Variants in EHD4 observed in about 807,000 individuals in gnomAD.
The protein encoded by EHD4 is EH domain containing 4, also known as EH domain-containing protein 4.
EHD4 carries 37 observed loss-of-function variants against 51.0 expected under a neutral mutation model. The observed-to-expected ratio is 0.73, with a 90% CI of 0.56 to 0.95. The LOEUF is 0.95. Ranked by LOEUF, EHD4 falls within the 40% of genes least tolerant of loss-of-function variation. The pLI is 0.00. For missense variants in EHD4, 632 were observed against 733.1 expected, an observed-to-expected ratio of 0.86 and a Z score of 1.59; for synonymous variants, 297 against 317.3, an observed-to-expected ratio of 0.94 and a Z score of 0.68.
chr15:41,935,773 C>T (rs560844194), intron 3 of EHD4, among the ~76,000 whole-genome samples: 2 of 152,324 alleles, frequency 1.3e-5, no homozygotes, highest in East Asian at 1.9e-4. Flanking sequence ...ACAATAACTT[C>T]TATTTTCTCT....
rs189146657 is a variant in EHD4 at position 41,963,913 on chromosome 15, A to G, written c.236+8346T>C. On this transcript the variant is annotated intron_variant, in intron 1 of 5. Coordinates refer to ENST00000220325, the MANE Select transcript of EHD4 (RefSeq NM_139265.4). ...ATAATCCCAGCATTTTGGGAGGCCG[A>G]GGCAGGTGGATCATGAAGTCAGGAG... Among the ~76,000 whole-genome samples, 413 of 152,128 alleles carry G rather than the reference A, an allele frequency of 2.7e-3. 6 individuals carry two copies. Among genetic ancestry groups the G allele is most frequent in the African/African-American group, 9.5e-3 (393 of 41,490 alleles).
intron 5 of EHD4, among the ~76,000 whole-genome samples, chr15:41,902,093 A>C (rs970018718): frequency 1.3e-5 from 2 of 152,334 alleles, no homozygotes; most frequent in East Asian, 3.9e-4. Context: ...GCCTGTCAGC[A>C]GACAGAGCAG....
chr15:41,905,168 G>A (rs1190491780), intron 5 of EHD4, among the ~76,000 whole-genome samples: 4 of 152,198 alleles, frequency 2.6e-5, no homozygotes, highest in African/African-American at 7.2e-5. Context: ...ACCCACACAC[G>A]CGCCCCTCAA....
At chr15:41,963,786 CACTTTT>C (rs2067943160) in intron 1 of EHD4, among the ~76,000 whole-genome samples, 1 of 151,952 alleles carries the variant, frequency 6.6e-6, no homozygotes, top group African/African-American at 2.4e-5. Context: ...ACTGGAAAAA[CACTTTT>C]ACAACTGTGA....
chr15:41,959,066 T>C (rs1016789859), intron 1 of EHD4, among the ~76,000 whole-genome samples: 1 of 152,200 alleles, frequency 6.6e-6, no homozygotes, highest in East Asian at 1.9e-4. Flanking sequence ...TGTATGAGCA[T>C]TATTTTTAAA....
At chr15:41,970,552 T>C (rs552721030) in intron 1 of EHD4, among the ~76,000 whole-genome samples, 5 of 152,360 alleles carry the variant, frequency 3.3e-5, no homozygotes, top group Non-Finnish European at 7.3e-5. Flanking sequence ...GATAAATTCA[T>C]GTTCCTGTGA....
intron 1 of EHD4, 91 bp downstream of exon 1, chr15:41,972,168 G>C (rs2068001006): frequency 8.9e-6 from 11 of 1,230,242 alleles, no homozygotes; most frequent in Non-Finnish European, 1.1e-5. Flanking sequence ...CGCGCCGGCC[G>C]GGAGGGGCAG....
chr15:41,945,066 G>A (rs1328522332), intron 2 of EHD4, among the ~76,000 whole-genome samples: 2 of 152,182 alleles, frequency 1.3e-5, no homozygotes, highest in Non-Finnish European at 2.9e-5. Flanking sequence ...GGGCACATCC[G>A]TGGTGAACCT....
chr15:41,971,979 G>A (rs1362842626), intron 1 of EHD4, among the ~76,000 whole-genome samples: 1 of 152,000 alleles, frequency 6.6e-6, no homozygotes, highest in Non-Finnish European at 1.5e-5. Context: ...CTCTCCCTTG[G>A]ACCCTCCCGC....
intron 1 of EHD4, among the ~76,000 whole-genome samples, chr15:41,962,394 T>G (rs541353504): frequency 1.3e-5 from 2 of 152,204 alleles, no homozygotes; most frequent in African/African-American, 4.8e-5. Context: ...GATGGTATGG[T>G]GTTGGCATAA....
At chr15:41,951,037 G>T (rs1258130703) in intron 2 of EHD4, among the ~76,000 whole-genome samples, 3 of 145,208 alleles carry the variant, frequency 2.1e-5, no homozygotes, top group South Asian at 2.1e-4. Flanking sequence ...CTAACCCTAA[G>T]AGTTAAATAG....
At chr15:41,901,274 G>T in intron 5 of EHD4, 93 bp from the exon 6 acceptor site, 1 of 1,377,340 alleles carries the variant, frequency 7.3e-7, no homozygotes, top group Non-Finnish European at 9.7e-7. Flanking sequence ...TCTGCCCCAG[G>T]CAGACGTCCC....
At chr15:41,934,701 G>A (rs1326474609) in intron 3 of EHD4, among the ~76,000 whole-genome samples, 1 of 152,110 alleles carries the variant, frequency 6.6e-6, no homozygotes, top group Non-Finnish European at 1.5e-5. Context: ...ATTTGCAGCC[G>A]TGTGGACTCC....
intron 1 of EHD4, among the ~76,000 whole-genome samples, chr15:41,958,842 T>C (rs186643911): frequency 3.8e-4 from 58 of 152,258 alleles, no homozygotes; most frequent in Admixed American, 1.2e-3. Context: ...TATCCCTATT[T>C]TACAGATGAG....
chr15:41,917,398 C>T (rs1332728551), intron 4 of EHD4, among the ~76,000 whole-genome samples: 2 of 152,196 alleles, frequency 1.3e-5, no homozygotes, highest in Non-Finnish European at 2.9e-5. Context: ...GGATTACAGG[C>T]GTAAGCCACC....
chr15:41,930,157 T>C (rs1220723553), intron 3 of EHD4, among the ~76,000 whole-genome samples: 2 of 152,234 alleles, frequency 1.3e-5, no homozygotes, highest in South Asian at 2.1e-4. Context: ...GGTTGTGGAA[T>C]GTATGACTTC....
Position 41,972,472 on chromosome 15 carries a change from T to A in EHD4, c.23A>T (p.Gln8Leu). 1 of 1,542,628 alleles carries A rather than the reference T, an allele frequency of 6.5e-7. No homozygotes were observed. The highest frequency in any genetic ancestry group is 8.7e-7 in the Non-Finnish European group (1 of 1,147,378). Residue 8 changes from glutamine (Q) to leucine (L), a missense_variant, in exon 1 of 6, where the codon CAG becomes CTG. Coordinates refer to ENST00000220325, the MANE Select transcript of EHD4 (RefSeq NM_139265.4). MFSWMGR[Q>L]AGGRERAGGA... is the part of the protein sequence containing the mutation. ...GCCAGCGCGTTCGCGCCCGCCCGCC[T>A]GCCGCCCCATCCAGCTGAACATCCT...
At chr15:41,934,832 G>A (rs1261227374) in intron 3 of EHD4, among the ~76,000 whole-genome samples, 6 of 152,162 alleles carry the variant, frequency 3.9e-5, no homozygotes, top group African/African-American at 1.2e-4. Context: ...AACCAAACAC[G>A]CCCAGAGAAC....
chr15:41,917,015 G>A lies in EHD4; in HGVS notation c.924+2195C>T, dbSNP rs983088917. The stretch of plus-strand genomic sequence containing the variant: ...CTCCAAACCCAGGCCGCGCTGGCCC[G>A]TTCAGAGGGCCCGAGGCTCAAGGAT... On this transcript the variant is annotated intron_variant, in intron 4 of 5. Coordinates refer to ENST00000220325, the MANE Select transcript of EHD4 (RefSeq NM_139265.4). 8.9e-4 allele frequency among the ~76,000 whole-genome samples: 135 copies of A among 152,214 alleles called. 1 individual carries two copies. The highest frequency in any genetic ancestry group is 3.0e-3 in the African/African-American group (126 of 41,464).
Sources: gnomAD v4.1 joint callset for allele counts (sites outside exome capture counted in the v4.1 genomes callset) on GRCh38, gnomAD v4.1.1 for gene constraint, MANE v1.5 for transcripts, NCBI Gene and HGNC (gene_info 2026-07-23, HGNC 2026-07-21) for gene names.